SCOC: variants seen among roughly 807,000 people sequenced by gnomAD.
SCOC encodes the protein short coiled-coil protein.
In SCOC, 7 loss-of-function variants were observed where a neutral mutation model predicts 9.9. That is an observed-to-expected ratio of 0.71 (90% CI 0.40 to 1.33). The LOEUF (loss-of-function observed/expected upper bound fraction) is 1.33. Ranked by LOEUF, SCOC falls within the 40% of genes most tolerant of loss-of-function variation. SCOC has a pLI of 0.01. For missense variants in SCOC, 66 were observed against 89.7 expected (o/e 0.74, Z 1.07); for synonymous variants, 19 against 28.2 (o/e 0.67, Z 1.03).
chr4:140,284,153 C>A (rs933771542), intron 1 of SCOC: 1 of 151,796 alleles, frequency 6.6e-6, no homozygotes, highest in African/African-American at 2.4e-5. Context: ...TATCAATGTT[C>A]AATTTTCCTA....
chr4:140,374,940 T>A (rs1028722492), intron 1 of SCOC, among the ~76,000 whole-genome samples: 1 of 152,228 alleles, frequency 6.6e-6, no homozygotes, highest in Non-Finnish European at 1.5e-5. Context: ...TTTAGCACAT[T>A]AATGCACGAA....
At chr4:140,260,036 C>T (rs1486904741) in intron 1 of SCOC, among the ~76,000 whole-genome samples, 5 of 152,194 alleles carry the variant, frequency 3.3e-5, no homozygotes, top group Non-Finnish European at 5.9e-5. Flanking sequence ...TGATCACTCT[C>T]CACAGAATAC....
At chr4:140,292,734 G>A (rs953101455) in intron 1 of SCOC, among the ~76,000 whole-genome samples, 23 of 152,112 alleles carry the variant, frequency 1.5e-4, no homozygotes, top group Admixed American at 6.5e-5. Context: ...TTCTTATTCT[G>A]GGGGAGCCAC....
intron 1 of SCOC, among the ~76,000 whole-genome samples, chr4:140,299,676 G>A (rs760467021): frequency 8.5e-5 from 13 of 152,130 alleles, no homozygotes; most frequent in South Asian, 2.1e-4. Flanking sequence ...TTGTAACGTC[G>A]TTTGTCTTTT....
At chr4:140,286,964 C>T (rs28552668) in intron 1 of SCOC, among the ~76,000 whole-genome samples, 29,224 of 152,088 alleles carry the variant, frequency 0.19, 5,669 homozygotes, top group African/African-American at 0.5. Context: ...CGAACACATA[C>T]GACATACACA....
chr4:140,299,910 A>C (rs1731763701), intron 1 of SCOC, among the ~76,000 whole-genome samples: 1 of 152,182 alleles, frequency 6.6e-6, no homozygotes, highest in Admixed American at 6.5e-5. Context: ...CTCTGCCTTT[A>C]AAGCATGGCT....
intron 1 of SCOC, among the ~76,000 whole-genome samples, chr4:140,274,795 T>C (rs946731594): frequency 1.3e-5 from 2 of 152,242 alleles, no homozygotes; most frequent in Admixed American, 1.3e-4. Flanking sequence ...CACTCCTCGG[T>C]GTCTAAGGAA....
chr4:140,330,989 T>C (rs1371886455), intron 1 of SCOC, among the ~76,000 whole-genome samples: 2 of 152,138 alleles, frequency 1.3e-5, no homozygotes, highest in Non-Finnish European at 2.9e-5. Context: ...GTTTAGGGCA[T>C]GGTTTGGTGA....
At chr4:140,369,036 C>A (rs1727929070), upstream of SCOC, among the ~76,000 whole-genome samples, 1 of 151,756 alleles carries the variant, frequency 6.6e-6, no homozygotes, top group Non-Finnish European at 1.5e-5. Context: ...ACCTTGAAAT[C>A]CTTTGGAATT....
At chr4:140,264,715 G>A (rs1560673666) in intron 1 of SCOC, among the ~76,000 whole-genome samples, 2 of 152,170 alleles carry the variant, frequency 1.3e-5, no homozygotes, top group Admixed American at 6.5e-5. Flanking sequence ...CATCCCGATA[G>A]GTGAAAAACC....
chr4:140,373,685 G>T lies in SCOC; in HGVS notation c.-83G>T, dbSNP rs1456479379. The T allele has an allele frequency of 6.5e-7, 1 of 1,550,272 alleles. No homozygotes were observed. The highest frequency in any genetic ancestry group is 2.4e-5 in the East Asian group (1 of 40,900). ...GTGTCCCGGCCTGAGGTGTCGGCCG[G>T]ATCCCTCCTTCTCCCGGCGCCTCAA... On this transcript the variant is annotated 5_prime_UTR_variant, in exon 1 of 4. Coordinates refer to ENST00000608372, the MANE Select transcript of SCOC (RefSeq NM_001153484.2).
chr4:140,372,691 A>G (rs1728106006), upstream of SCOC, among the ~76,000 whole-genome samples: 1 of 152,222 alleles, frequency 6.6e-6, no homozygotes, highest in Non-Finnish European at 1.5e-5. Flanking sequence ...GTGTCAGCAA[A>G]CTGTGCCAGA....
Position 140,338,028 on chromosome 4 carries a change from A to G in SCOC, c.-18-5593A>G, listed in dbSNP as rs1426203183. ...AATTTTAGACCAATATCCCTGATGAACATCGATGCAAAAATCCTCAATAAA... is the reference window on the plus strand; with the variant it reads ...AATTTTAGACCAATATCCCTGATGAGCATCGATGCAAAAATCCTCAATAAA... On this transcript the variant is annotated intron_variant, in intron 1 of 4. Coordinates refer to the SCOC transcript ENST00000394205. 4.6e-5 allele frequency among the ~76,000 whole-genome samples: 7 copies of G among 152,350 alleles called. No individual in the cohort carries two copies. In the East Asian group the frequency reaches 1.3e-3, roughly 29 times the overall value.
intron 2 of SCOC, chr4:140,360,837 A>G (rs934428863): frequency 6.6e-6 from 1 of 152,192 alleles, no homozygotes; most frequent in Non-Finnish European, 1.5e-5. Flanking sequence ...ATATTTTAAT[A>G]AAAAATGTTT....
At chr4:140,331,372 T>G (rs184176420) in intron 1 of SCOC, among the ~76,000 whole-genome samples, 1 of 152,206 alleles carries the variant, frequency 6.6e-6, no homozygotes, top group East Asian at 1.9e-4. Flanking sequence ...CAAGTGGCCT[T>G]TTTCTTTATA....
chr4:140,315,596 A>T (rs1236750763), intron 1 of SCOC, among the ~76,000 whole-genome samples: 1 of 152,206 alleles, frequency 6.6e-6, no homozygotes, highest in Non-Finnish European at 1.5e-5. Flanking sequence ...AGTAGGTCCA[A>T]GTAGCTGAGC....
chr4:140,339,145 A>G (rs919831763), upstream of SCOC, among the ~76,000 whole-genome samples: 10 of 152,170 alleles, frequency 6.6e-5, no homozygotes, highest in African/African-American at 2.4e-4. Context: ...AAATAATGCC[A>G]CATATCTACA....
At chr4:140,279,991 A>G (rs1019459787) in intron 1 of SCOC, among the ~76,000 whole-genome samples, 8 of 152,182 alleles carry the variant, frequency 5.3e-5, no homozygotes, top group African/African-American at 1.9e-4. Flanking sequence ...AATGGAAGGG[A>G]AAGGTTTTTT....
intron 1 of SCOC, among the ~76,000 whole-genome samples, chr4:140,330,137 T>C (rs1316175528): frequency 6.6e-6 from 1 of 152,154 alleles, no homozygotes; most frequent in Admixed American, 6.6e-5. Flanking sequence ...AAAGAAATAA[T>C]GGCATTTGCA....
Sources: allele counts gnomAD v4.1 joint callset (sites outside exome capture counted in the v4.1 genomes callset), GRCh38; gene constraint gnomAD v4.1.1; transcripts MANE v1.5; gene names NCBI Gene and HGNC (gene_info 2026-07-23, HGNC 2026-07-21).